CTNND2: variants seen among roughly 807,000 people sequenced by gnomAD.
CTNND2 encodes catenin delta 2.
A neutral mutation model predicts 144.4 loss-of-function variants in CTNND2; 22 were observed. The observed-to-expected ratio is 0.15, with a 90% CI of 0.11 to 0.22. CTNND2 has a LOEUF of 0.22. CTNND2 is among the 10% of genes least tolerant of loss of function. CTNND2 has a pLI of 1.00. For missense variants in CTNND2, 1,353 were observed against 1,618.8 expected, an observed-to-expected ratio of 0.84 and a Z score of 2.82; for synonymous variants, 751 against 695.6, an observed-to-expected ratio of 1.08 and a Z score of -1.25.
At chr5:11,236,947 C>G (rs1386515016) in intron 9 of CTNND2, 124 bp from the exon 10 acceptor site, 1 of 1,057,126 alleles carries the variant, frequency 9.5e-7, no homozygotes, top group Non-Finnish European at 1.4e-6. Flanking sequence ...AATGACTGTT[C>G]TGGTTTTCTT....
At chr5:11,585,677 T>C (rs964134841) in intron 2 of CTNND2, among the ~76,000 whole-genome samples, 10 of 152,092 alleles carry the variant, frequency 6.6e-5, no homozygotes, top group Non-Finnish European at 1.0e-4. Context: ...ACAGATTACA[T>C]AGAGCTACCT....
intron 16 of CTNND2, among the ~76,000 whole-genome samples, chr5:11,068,554 T>C (rs1257767630): frequency 6.6e-6 from 1 of 152,180 alleles, no homozygotes; most frequent in Non-Finnish European, 1.5e-5. Context: ...TGTATGACAA[T>C]AAAAATTTGG....
intron 2 of CTNND2, among the ~76,000 whole-genome samples, chr5:11,656,792 G>C (rs1408307667): frequency 6.6e-6 from 1 of 152,104 alleles, no homozygotes; most frequent in African/African-American, 2.4e-5. Context: ...AAAATTCTGA[G>C]ATGCACATTT....
chr5:11,708,250 G>A (rs1283869353), intron 2 of CTNND2, among the ~76,000 whole-genome samples: 1 of 151,404 alleles, frequency 6.6e-6, no homozygotes, highest in Non-Finnish European at 1.5e-5. Context: ...ATTTATCAGT[G>A]GTAAAATGTA....
chr5:11,262,761 C>CACA (rs1745016817), intron 9 of CTNND2, among the ~76,000 whole-genome samples: 1 of 45,680 alleles, frequency 2.2e-5, no homozygotes, highest in African/African-American at 9.7e-5. Context: ...GACTCTGTCT[C>CACA]AAAAAAAAAA....
chr5:11,009,937 C>T (rs1237151802), intron 18 of CTNND2, among the ~76,000 whole-genome samples: 1 of 152,190 alleles, frequency 6.6e-6, no homozygotes, highest in Non-Finnish European at 1.5e-5. Context: ...GAAGAAAGAC[C>T]TTCTTTGTCA....
At chr5:11,277,461 A>T (rs1746651493) in intron 9 of CTNND2, among the ~76,000 whole-genome samples, 1 of 151,802 alleles carries the variant, frequency 6.6e-6, no homozygotes, top group African/African-American at 2.4e-5. Context: ...GCTGCTTTTG[A>T]ATAGTATGGG....
chr5:11,311,176 ACT>A (rs1320590504), intron 9 of CTNND2, among the ~76,000 whole-genome samples: 1 of 126,404 alleles, frequency 7.9e-6, no homozygotes, highest in African/African-American at 3.1e-5. Flanking sequence ...TCACAGGCAC[ACT>A]CTCACACACT....
chr5:11,398,298 T>C (rs1760322384), intron 5 of CTNND2, among the ~76,000 whole-genome samples: 1 of 152,214 alleles, frequency 6.6e-6, no homozygotes, highest in Admixed American at 6.5e-5. Context: ...AGTTCCTTAT[T>C]TTTTTCTTTT....
At chr5:11,248,820 G>C (rs750562456) in intron 9 of CTNND2, among the ~76,000 whole-genome samples, 3 of 152,140 alleles carry the variant, frequency 2.0e-5, no homozygotes, top group Non-Finnish European at 2.9e-5. Context: ...ACATACTTTG[G>C]GGCTGACGGT....
At chr5:11,241,936 G>T (rs373316038) in intron 9 of CTNND2, among the ~76,000 whole-genome samples, 29 of 151,688 alleles carry the variant, frequency 1.9e-4, no homozygotes, top group African/African-American at 6.8e-4. Flanking sequence ...GGGGTGGGGG[G>T]TCGGTTATTT....
At chr5:10,993,126 C>T (rs1271852446) in intron 18 of CTNND2, among the ~76,000 whole-genome samples, 2 of 152,144 alleles carry the variant, frequency 1.3e-5, no homozygotes, top group East Asian at 1.9e-4. Flanking sequence ...TCCAGGGCAG[C>T]GTCCTCCCTT....
chr5:11,241,142 AACAT>A (rs1691750840), intron 9 of CTNND2, among the ~76,000 whole-genome samples: 1 of 151,400 alleles, frequency 6.6e-6, no homozygotes, highest in African/African-American at 2.4e-5. Flanking sequence ...AAACACACCC[AACAT>A]ACACTCACAC....
intron 1 of CTNND2, among the ~76,000 whole-genome samples, chr5:11,865,902 C>A (rs374463478): frequency 8.8e-3 from 772 of 87,348 alleles, no homozygotes; most frequent in South Asian, 0.021. Context: ...CTGGAAGAGA[C>A]AAAAAAAAAA....
At chr5:11,610,945 A>G (rs1036751371) in intron 2 of CTNND2, among the ~76,000 whole-genome samples, 4 of 152,236 alleles carry the variant, frequency 2.6e-5, no homozygotes, top group Non-Finnish European at 5.9e-5. Flanking sequence ...GATTTAGGAT[A>G]AAATCTAAAG....
chr5:11,159,535 G>C, intron 12 of CTNND2, 41 bp downstream of exon 12: 1 of 1,514,962 alleles, frequency 6.6e-7, no homozygotes, highest in Non-Finnish European at 9.0e-7. Flanking sequence ...GTCTGGCCAG[G>C]GGAAGATGGT....
At chr5:11,830,035 A>G (rs1407771224) in intron 1 of CTNND2, among the ~76,000 whole-genome samples, 1 of 152,212 alleles carries the variant, frequency 6.6e-6, no homozygotes, top group African/African-American at 2.4e-5. Context: ...TTGGACTTGC[A>G]TAGGGACTGT....
At chr5:11,366,496 G>A (rs1004236700) in intron 7 of CTNND2, among the ~76,000 whole-genome samples, 1 of 152,092 alleles carries the variant, frequency 6.6e-6, no homozygotes, top group Admixed American at 6.5e-5. Context: ...CAGATTCAAA[G>A]TAACTGTTTT....
At chr5:11,084,712 C>T (rs1186115727) in intron 15 of CTNND2, among the ~76,000 whole-genome samples, 4 of 152,058 alleles carry the variant, frequency 2.6e-5, no homozygotes, top group African/African-American at 9.7e-5. Context: ...CACTTCTTTG[C>T]AGGCCCCATG....
Sources: allele counts gnomAD v4.1 joint callset (sites outside exome capture counted in the v4.1 genomes callset), GRCh38; gene constraint gnomAD v4.1.1; transcripts MANE v1.5; gene names NCBI Gene and HGNC (gene_info 2026-07-23, HGNC 2026-07-21).